Variants in EEIG2 observed in about 807,000 individuals in gnomAD.
EEIG2 encodes EEIG family member 2, also known as family with sequence similarity 102 member B.
chr1:108,583,317 A>AT, the EEIG2 span, among the ~76,000 whole-genome samples: 8 of 151,120 alleles, frequency 5.3e-5, no homozygotes, highest in South Asian at 2.1e-4. Context: ...CTAATATTGT[A>AT]TTTTTTTTGT....
the EEIG2 span, among the ~76,000 whole-genome samples, chr1:108,581,917 T>A: frequency 1.3e-5 from 2 of 152,300 alleles, no homozygotes; most frequent in Non-Finnish European, 2.9e-5. Flanking sequence ...AAACATCACA[T>A]GCTACAGAGA....
the EEIG2 span, among the ~76,000 whole-genome samples, chr1:108,616,629 A>G: frequency 7.9e-5 from 12 of 152,298 alleles, no homozygotes; most frequent in African/African-American, 2.9e-4. Flanking sequence ...CCAAATTATT[A>G]ATGCTATAGG....
chr1:108,587,382 G>T, the EEIG2 span, among the ~76,000 whole-genome samples: 1 of 152,160 alleles, frequency 6.6e-6, no homozygotes, highest in East Asian at 1.9e-4. Context: ...CCAGAGTGGC[G>T]CATTTGTTAC....
the EEIG2 span, among the ~76,000 whole-genome samples, chr1:108,560,734 C>T: frequency 6.6e-6 from 1 of 152,040 alleles, no homozygotes; most frequent in Non-Finnish European, 1.5e-5. Context: ...CTCAGCTGGC[C>T]TTGGTTCCTG....
the EEIG2 span, among the ~76,000 whole-genome samples, chr1:108,568,565 C>G: frequency 1.3e-5 from 2 of 152,118 alleles, no homozygotes; most frequent in Non-Finnish European, 2.9e-5. Flanking sequence ...AAGTAGGAAA[C>G]CATTGTCACC....
At chr1:108,594,031 C>T in the EEIG2 span, among the ~76,000 whole-genome samples, 7 of 152,084 alleles carry the variant, frequency 4.6e-5, no homozygotes, top group African/African-American at 1.4e-4. Context: ...TGGTCCCGAA[C>T]TCCTGAGCTC....
chr1:108,631,312 A>T, the EEIG2 span, among the ~76,000 whole-genome samples: 2 of 152,224 alleles, frequency 1.3e-5, no homozygotes, highest in Non-Finnish European at 2.9e-5. Context: ...GAACACAACC[A>T]TGCCTGTTTA....
the EEIG2 span, among the ~76,000 whole-genome samples, chr1:108,593,305 T>C: frequency 6.6e-6 from 1 of 152,214 alleles, no homozygotes; most frequent in Non-Finnish European, 1.5e-5. Context: ...CCAAAATGAC[T>C]GATGAGAATC....
chr1:108,607,398 G>A, the EEIG2 span, among the ~76,000 whole-genome samples: 5 of 152,168 alleles, frequency 3.3e-5, no homozygotes, highest in Admixed American at 2.0e-4. Context: ...TATGCCCACC[G>A]TAAACTAGTT....
chr1:108,567,519 T>C, the EEIG2 span, among the ~76,000 whole-genome samples: 8 of 152,372 alleles, frequency 5.3e-5, no homozygotes, highest in East Asian at 1.3e-3. Context: ...CTACTGCCTT[T>C]CAGGCTTTGT....
At chr1:108,575,697 A>G in the EEIG2 span, among the ~76,000 whole-genome samples, 3 of 152,202 alleles carry the variant, frequency 2.0e-5, no homozygotes. Context: ...ATGCTCAGTA[A>G]AGAAGCTAGT....
chr1:108,597,122 T>C, the EEIG2 span, among the ~76,000 whole-genome samples: 1 of 152,208 alleles, frequency 6.6e-6, no homozygotes. Context: ...TAAAAGTTGA[T>C]TAGGAGCTCT....
At chr1:108,605,842 G>A in the EEIG2 span, among the ~76,000 whole-genome samples, 1 of 152,190 alleles carries the variant, frequency 6.6e-6, no homozygotes, top group African/African-American at 2.4e-5. Context: ...TCCCTGGGGT[G>A]TGGTTTCAAG....
At chr1:108,623,140 T>C in the EEIG2 span, among the ~76,000 whole-genome samples, 1 of 151,896 alleles carries the variant, frequency 6.6e-6, no homozygotes, top group Non-Finnish European at 1.5e-5. Context: ...GGAAACCCAA[T>C]GGGATCACTA....
At chr1:108,586,499 A>C in the EEIG2 span, among the ~76,000 whole-genome samples, 1 of 152,138 alleles carries the variant, frequency 6.6e-6, no homozygotes, top group Non-Finnish European at 1.5e-5. Flanking sequence ...ACATCCCTTC[A>C]GTGTTGAAAT....
the EEIG2 span, among the ~76,000 whole-genome samples, chr1:108,564,522 G>A: frequency 6.6e-6 from 1 of 152,228 alleles, no homozygotes; most frequent in Admixed American, 6.5e-5. Flanking sequence ...GTGACAGCCT[G>A]ATGAGTAGTG....
the EEIG2 span, among the ~76,000 whole-genome samples, chr1:108,561,911 C>T: frequency 6.6e-6 from 1 of 152,172 alleles, no homozygotes; most frequent in Non-Finnish European, 1.5e-5. Context: ...GTTAGACTGG[C>T]GCTCCTGGGC....
the EEIG2 span, among the ~76,000 whole-genome samples, chr1:108,577,763 G>T: frequency 7.7e-6 from 1 of 130,490 alleles, no homozygotes; most frequent in Admixed American, 8.4e-5. Context: ...TTTGGCTTAG[G>T]ATTGACTTGG....
chr1:108,562,686 T>C, the EEIG2 span, among the ~76,000 whole-genome samples: 1 of 152,184 alleles, frequency 6.6e-6, no homozygotes, highest in East Asian at 1.9e-4. Context: ...AGTGAGATGA[T>C]GTGCCCAAAA....
Sources: allele counts gnomAD v4.1 joint callset (sites outside exome capture counted in the v4.1 genomes callset), GRCh38; gene constraint gnomAD v4.1.1; transcripts MANE v1.5; gene names NCBI Gene and HGNC (gene_info 2026-07-23, HGNC 2026-07-21).